Variants in TBPL2 observed in about 807,000 individuals in gnomAD.
The protein encoded by TBPL2 is TATA-box binding protein like 2, also known as TATA box-binding protein-like 2.
Under a neutral mutation model 38.2 loss-of-function variants are expected in TBPL2, and 40 were observed. That is an observed-to-expected ratio of 1.05 (90% CI 0.81 to 1.36). TBPL2 has a LOEUF of 1.36. TBPL2 is among the 40% of genes most tolerant of loss of function. TBPL2 has a pLI of 0.00. For missense variants in TBPL2, 461 were observed against 456.7 expected (o/e 1.01, Z -0.09); for synonymous variants, 169 against 171.7 (o/e 0.98, Z 0.12).
intron 1 of TBPL2, chr14:55,438,849 A>T (rs1886057361): frequency 6.6e-6 from 1 of 151,462 alleles, no homozygotes; most frequent in African/African-American, 2.4e-5. Flanking sequence ...AATGCTAGGG[A>T]AAGTCACCAT....
intron 6 of TBPL2, among the ~76,000 whole-genome samples, chr14:55,418,777 C>G (rs1019663551): frequency 4.6e-5 from 7 of 152,158 alleles, no homozygotes; most frequent in Non-Finnish European, 8.8e-5. Context: ...ATCATCAGGG[C>G]AAGGCATCAC....
intron 6 of TBPL2, among the ~76,000 whole-genome samples, chr14:55,416,921 T>C (rs997036049): frequency 2.0e-5 from 3 of 152,208 alleles, no homozygotes; most frequent in Non-Finnish European, 4.4e-5. Context: ...ATAACACTTT[T>C]ATATTAAAAA....
intron 2 of TBPL2, among the ~76,000 whole-genome samples, 157 bp from the exon 3 acceptor site, chr14:55,436,091 T>A (rs547942022): frequency 8.5e-5 from 13 of 152,288 alleles, no homozygotes; most frequent in Non-Finnish European, 1.5e-4. Context: ...CCTAGTTAAG[T>A]GTAAAATCCC....
intron 4 of TBPL2, among the ~76,000 whole-genome samples, chr14:55,430,887 A>T (rs928718953): frequency 6.6e-6 from 1 of 152,254 alleles, no homozygotes; most frequent in African/African-American, 2.4e-5. Flanking sequence ...CGTAATGTAA[A>T]TAAGTTCAAA....
intron 5 of TBPL2, among the ~76,000 whole-genome samples, chr14:55,426,004 A>AT (rs1252109386): frequency 6.6e-6 from 1 of 152,166 alleles, no homozygotes; most frequent in African/African-American, 2.4e-5. Context: ...GCGGTGGCTC[A>AT]CACCTGTAAT....
At chr14:55,439,302 G>A (rs1362894971) in intron 1 of TBPL2, among the ~76,000 whole-genome samples, 1 of 147,362 alleles carries the variant, frequency 6.8e-6, no homozygotes, top group Non-Finnish European at 1.5e-5. Context: ...AAAGCCACAG[G>A]TGTTTCTAGT....
chr14:55,427,436 A>C (rs1261100019), intron 5 of TBPL2, among the ~76,000 whole-genome samples: 1 of 152,244 alleles, frequency 6.6e-6, no homozygotes, highest in Non-Finnish European at 1.5e-5. Flanking sequence ...CATATCTGAA[A>C]GGAAAGCTAA....
At chr14:55,417,217 C>T (rs530582287) in intron 6 of TBPL2, among the ~76,000 whole-genome samples, 2 of 152,210 alleles carry the variant, frequency 1.3e-5, no homozygotes, top group South Asian at 2.1e-4. Flanking sequence ...GAGAAGAGTG[C>T]GTGTAACCGG....
intron 4 of TBPL2, among the ~76,000 whole-genome samples, chr14:55,432,405 C>A (rs185532066): frequency 3.5e-5 from 5 of 142,328 alleles, no homozygotes; most frequent in African/African-American, 5.3e-5. Context: ...ACAGTGAGAC[C>A]GTGTCTCAGA....
chr14:55,434,702 A>G (rs1885986404), intron 3 of TBPL2, among the ~76,000 whole-genome samples: 1 of 152,226 alleles, frequency 6.6e-6, no homozygotes, highest in Admixed American at 6.5e-5. Context: ...TGTCAGCTGT[A>G]TGAAATATCA....
chr14:55,423,229 T>A (rs1885772262), intron 6 of TBPL2, among the ~76,000 whole-genome samples: 1 of 152,268 alleles, frequency 6.6e-6, no homozygotes, highest in South Asian at 2.1e-4. Context: ...AAGTTTTCTT[T>A]GGTACCATTT....
chr14:55,436,643 C>T lies in TBPL2; in HGVS notation c.526G>A (p.Asp176Asn), dbSNP rs147598963. ...GTTATGGATGCCAGAGACAAGGAGTCGGAGTTTGGTTTCTCAGGAGAGGGC... is the reference window on the plus strand; with the variant it reads ...GTTATGGATGCCAGAGACAAGGAGTTGGAGTTTGGTTTCTCAGGAGAGGGC... The change falls in exon 2 of 7, where the codon GAC (aspartate) becomes AAC (asparagine). Residue 176 changes from aspartate to asparagine, a missense_variant. Asp to Asn is a conservative substitution (Grantham distance 23, BLOSUM62 1). Transcript: ENST00000247219. 3.3e-4 allele frequency: 535 copies of T among 1,614,110 alleles called. 1 individual carries two copies. In the Middle Eastern group the frequency reaches 3.8e-3, roughly 11 times the overall value.
chr14:55,432,025 C>T (rs1383196758), intron 4 of TBPL2, among the ~76,000 whole-genome samples: 1 of 151,974 alleles, frequency 6.6e-6, no homozygotes, highest in Non-Finnish European at 1.5e-5. Flanking sequence ...ATACTGTGCA[C>T]AAATGCCTTA....
At chr14:55,421,431 G>T (rs1389502828) in intron 6 of TBPL2, among the ~76,000 whole-genome samples, 1 of 152,094 alleles carries the variant, frequency 6.6e-6, no homozygotes, top group South Asian at 2.1e-4. Flanking sequence ...CATTCAAAAC[G>T]TTCTTGGATT....
At chr14:55,432,710 A>C (rs1008620223) in intron 4 of TBPL2, among the ~76,000 whole-genome samples, 1 of 152,210 alleles carries the variant, frequency 6.6e-6, no homozygotes, top group Non-Finnish European at 1.5e-5. Context: ...GATAAAATGA[A>C]CACTTAGTAC....
chr14:55,433,612 AG>A lies in TBPL2; in HGVS notation c.788+17del. On this transcript the variant is annotated intron_variant, in intron 4 of 6. Transcript: ENST00000247219. The stretch of plus-strand genomic sequence containing the variant: ...TAAATTGTTTCTCTGGTAGGGGTGG[AG>A]GGATGATTCCTCATACCTTTTGGCT... 1 of 1,605,424 alleles carries A rather than the reference AG, an allele frequency of 6.2e-7. No homozygotes were observed.
At chr14:55,427,121 T>G (rs1366174173) in intron 5 of TBPL2, among the ~76,000 whole-genome samples, 1 of 152,138 alleles carries the variant, frequency 6.6e-6, no homozygotes, top group African/African-American at 2.4e-5. Flanking sequence ...ACTGGGAGAC[T>G]CTTAGAAACA....
At chr14:55,426,948 C>T (rs1182003033) in intron 5 of TBPL2, among the ~76,000 whole-genome samples, 1 of 141,042 alleles carries the variant, frequency 7.1e-6, no homozygotes, top group Admixed American at 6.7e-5. Context: ...GAACCACACA[C>T]ATCATTTTCG....
At chr14:55,433,307 CTCT>C (rs1566594449) in intron 4 of TBPL2, among the ~76,000 whole-genome samples, 1 of 103,872 alleles carries the variant, frequency 9.6e-6, no homozygotes, top group African/African-American at 4.1e-5. Flanking sequence ...TTTTAGATTT[CTCT>C]TTTTTTTTTT....
Sources: allele counts gnomAD v4.1 joint callset (sites outside exome capture counted in the v4.1 genomes callset), GRCh38; gene constraint gnomAD v4.1.1; transcripts MANE v1.5; gene names NCBI Gene and HGNC (gene_info 2026-07-23, HGNC 2026-07-21).